TBC1D19: variants seen among roughly 807,000 people sequenced by gnomAD.
TBC1D19 encodes the protein TBC1 domain family member 19.
TBC1D19 carries 60 observed loss-of-function variants against 89.0 expected under a neutral mutation model. The observed-to-expected ratio is 0.67, with a 90% CI of 0.55 to 0.84. TBC1D19 has a LOEUF of 0.84. Among genes scored for constraint, TBC1D19 ranks in the 40% least tolerant of loss-of-function variants. The pLI is 0.00. For missense variants in TBC1D19, 500 were observed against 610.8 expected (o/e 0.82, Z 1.91); for synonymous variants, 189 against 199.7 (o/e 0.95, Z 0.45).
In TBC1D19 at chr4:26,732,655, A is replaced by G. The variant is rs149819136; in HGVS notation, c.1085-2800A>G. The stretch of plus-strand genomic sequence containing the variant: ...ACATTTTGCTGGCCACAAACAGTCC[A>G]TGTCCCATATTATTCTTTGTTGTTT... On this transcript the variant is annotated intron_variant, in intron 15 of 20. Coordinates refer to ENST00000264866, the MANE Select transcript of TBC1D19 (RefSeq NM_018317.4). Among the ~76,000 whole-genome samples, 3 of 152,304 alleles carry G rather than the reference A, an allele frequency of 2.0e-5. No individual in the cohort carries two copies. In the East Asian group the frequency reaches 5.8e-4, roughly 29 times the overall value.
At chr4:26,848,035 G>A in the TBC1D19 span, among the ~76,000 whole-genome samples, 17 of 152,216 alleles carry the variant, frequency 1.1e-4, no homozygotes, top group Admixed American at 3.3e-4. Context: ...CTCAGCTGCA[G>A]TAACGGATTT....
chr4:26,788,956 A>G, the TBC1D19 span, among the ~76,000 whole-genome samples: 1 of 152,200 alleles, frequency 6.6e-6, no homozygotes, highest in Non-Finnish European at 1.5e-5. Context: ...AAGCAAGTAA[A>G]TGGGAGCACC....
chr4:26,746,858 G>T (rs946970122), intron 18 of TBC1D19, among the ~76,000 whole-genome samples: 2 of 151,994 alleles, frequency 1.3e-5, no homozygotes, highest in Non-Finnish European at 2.9e-5. Flanking sequence ...AAAAAAAAGG[G>T]TCACTTGAAC....
chr4:26,768,188 C>T, the TBC1D19 span, among the ~76,000 whole-genome samples: 369 of 152,264 alleles, frequency 2.4e-3, 2 homozygotes, highest in South Asian at 3.1e-3. Flanking sequence ...ATCTCTTGAG[C>T]TCACACAGGC....
chr4:26,785,447 T>C, the TBC1D19 span, among the ~76,000 whole-genome samples: 4 of 152,208 alleles, frequency 2.6e-5, no homozygotes, highest in Non-Finnish European at 4.4e-5. Context: ...AAGATAACCA[T>C]GTCAATAGTT....
chr4:26,707,136 A>G (rs1715800756), intron 13 of TBC1D19, among the ~76,000 whole-genome samples: 1 of 151,922 alleles, frequency 6.6e-6, no homozygotes, highest in Non-Finnish European at 1.5e-5. Flanking sequence ...TGAGAATAGG[A>G]TATTGAAGTC....
At chr4:26,665,360 A>G (rs1464655616) in intron 8 of TBC1D19, among the ~76,000 whole-genome samples, 2 of 152,194 alleles carry the variant, frequency 1.3e-5, no homozygotes, top group Non-Finnish European at 2.9e-5. Context: ...AACTAATTCC[A>G]TCTTTTAAAG....
At chr4:26,765,147 C>T in the TBC1D19 span, among the ~76,000 whole-genome samples, 44 of 152,030 alleles carry the variant, frequency 2.9e-4, no homozygotes, top group African/African-American at 8.0e-4. Flanking sequence ...TACTAGTAGG[C>T]GACAGCAGGA....
chr4:26,759,817 T>C (rs1452042320), downstream of TBC1D19, among the ~76,000 whole-genome samples: 1 of 152,250 alleles, frequency 6.6e-6, no homozygotes, highest in East Asian at 1.9e-4. Context: ...CTGCCTAGGA[T>C]TTCATTGTAT....
At chr4:26,776,979 A>AT in the TBC1D19 span, among the ~76,000 whole-genome samples, 3 of 152,060 alleles carry the variant, frequency 2.0e-5, no homozygotes, top group Non-Finnish European at 4.4e-5. Flanking sequence ...GTAATTTCAA[A>AT]TTTTTTTATT....
chr4:26,852,548 C>A, the TBC1D19 span, among the ~76,000 whole-genome samples: 5 of 152,042 alleles, frequency 3.3e-5, no homozygotes, highest in East Asian at 1.9e-4. Context: ...CAGGGCGAGA[C>A]CCTGTCTTAA....
At chr4:26,831,591 C>CTTT in the TBC1D19 span, among the ~76,000 whole-genome samples, 3 of 99,902 alleles carry the variant, frequency 3.0e-5, no homozygotes, top group African/African-American at 5.1e-5. Flanking sequence ...TTTTTTTTTT[C>CTTT]TTTTTTTTTT....
At chr4:26,638,641 CAT>C in intron 5 of TBC1D19, 128 bp from the exon 6 acceptor site, 1 of 676,844 alleles carries the variant, frequency 1.5e-6, no homozygotes, top group Non-Finnish European at 2.5e-6. Context: ...CCAAATTCAA[CAT>C]GTTTAATGAA....
chr4:26,813,479 C>T, the TBC1D19 span, among the ~76,000 whole-genome samples: 1 of 152,180 alleles, frequency 6.6e-6, no homozygotes, highest in Non-Finnish European at 1.5e-5. Context: ...ACTTACAGTA[C>T]ATAAATGCGA....
the TBC1D19 span, among the ~76,000 whole-genome samples, chr4:26,802,773 T>A: frequency 1.3e-5 from 2 of 152,372 alleles, no homozygotes; most frequent in Admixed American, 6.5e-5. Flanking sequence ...ATTAGAATGA[T>A]AATGTATTAG....
At chr4:26,745,120 T>C (rs998072586) in intron 18 of TBC1D19, among the ~76,000 whole-genome samples, 19 of 152,262 alleles carry the variant, frequency 1.2e-4, no homozygotes, top group Admixed American at 9.1e-4. Context: ...CTATGTCTGA[T>C]ATTAATATAG....
chr4:26,578,182 T>G (rs78866741), intron 1 of TBC1D19, among the ~76,000 whole-genome samples: 1 of 152,322 alleles, frequency 6.6e-6, no homozygotes, highest in African/African-American at 2.4e-5. Context: ...GCACGGCATC[T>G]TACAGTGGGC....
At chr4:26,652,457 C>G (rs1159499233) in intron 7 of TBC1D19, among the ~76,000 whole-genome samples, 2 of 152,052 alleles carry the variant, frequency 1.3e-5, no homozygotes, top group Non-Finnish European at 2.9e-5. Flanking sequence ...CCAGGCAGGT[C>G]TCGAACTCCT....
intron 1 of TBC1D19, among the ~76,000 whole-genome samples, chr4:26,606,930 C>T (rs551920252): frequency 1.3e-5 from 2 of 152,286 alleles, no homozygotes; most frequent in Admixed American, 6.5e-5. Context: ...ATTTTAGCTG[C>T]TTTGCTTCTC....
Sources: gnomAD v4.1 joint callset for allele counts (sites outside exome capture counted in the v4.1 genomes callset) on GRCh38, gnomAD v4.1.1 for gene constraint, MANE v1.5 for transcripts, NCBI Gene and HGNC (gene_info 2026-07-23, HGNC 2026-07-21) for gene names.